The following KANSL1L variants were observed in gnomAD, a reference collection of about 807,000 sequenced individuals.
KANSL1L encodes KAT8 regulatory NSL complex subunit 1-like protein.
Under a neutral mutation model 108.6 loss-of-function variants are expected in KANSL1L, and 25 were observed. That is an observed-to-expected ratio of 0.23 (90% CI 0.17 to 0.32). The LOEUF is 0.32. Ranked by LOEUF, KANSL1L falls within the 10% of genes least tolerant of loss-of-function variation. The pLI, the probability that KANSL1L is intolerant of heterozygous loss-of-function variation, is 1.00. For synonymous variants in KANSL1L, 405 were observed against 395.1 expected (o/e 1.03, Z -0.30); for missense variants, 1,137 against 1,125.7 (o/e 1.01, Z -0.14).
At chr2:210,152,403 A>G (rs1465946830) in intron 2 of KANSL1L, 1 of 152,262 alleles carries the variant, frequency 6.6e-6, no homozygotes, top group African/African-American at 2.4e-5. Context: ...AGTGCCTATT[A>G]GATGGCATAG....
intron 2 of KANSL1L, among the ~76,000 whole-genome samples, chr2:210,130,260 G>A (rs1270626271): frequency 6.6e-6 from 1 of 152,156 alleles, no homozygotes; most frequent in African/African-American, 2.4e-5. Context: ...TAGCATGTAG[G>A]AACAGGGGAT....
rs543095210 is a variant in KANSL1L at position 210,087,054 on chromosome 2, G to T, written c.1550+11032C>A. Among the ~76,000 whole-genome samples the T allele has an allele frequency of 3.7e-4, 55 of 150,298 alleles. No homozygotes were observed. The South Asian group carries it at 4.6e-3, about 13-fold the overall frequency. On this transcript the variant is annotated intron_variant, in intron 5 of 14. Transcript: ENST00000281772. ...TTTTATTTTTTTTTTTTTGAGACAG[G>T]ATCTTGCTCTGTCACCTAGGCTGGA...
At chr2:210,089,147 G>A (rs1316350941) in intron 5 of KANSL1L, 1 of 152,192 alleles carries the variant, frequency 6.6e-6, no homozygotes, top group Non-Finnish European at 1.5e-5. Context: ...AAGGCAATGT[G>A]TAATACATTT....
intron 4 of KANSL1L, among the ~76,000 whole-genome samples, chr2:210,100,684 G>A (rs1476082019): frequency 6.6e-6 from 1 of 152,150 alleles, no homozygotes; most frequent in Non-Finnish European, 1.5e-5. Flanking sequence ...TGTCATCCAG[G>A]CTAGAGTGCA....
At position 210,148,718 on chromosome 2, in the gene KANSL1L, T is replaced by C. The variant is rs147286515; in HGVS notation, c.1088+4777A>G. Among the ~76,000 whole-genome samples the C allele has an allele frequency of 3.6e-3, 543 of 152,248 alleles. 6 individuals are homozygous for C. The highest frequency in any genetic ancestry group is 0.012 in the African/African-American group (512 of 41,550). On this transcript the variant is annotated intron_variant, in intron 2 of 14. Transcript: ENST00000281772. Reference sequence around the variant, plus strand: ...AACTAATTTATTGCCTACTACATTTTTGGAGGAAAAGTAACAAAGTCAAGC... The same window carrying C: ...AACTAATTTATTGCCTACTACATTTCTGGAGGAAAAGTAACAAAGTCAAGC...
At chr2:210,152,830 G>A (rs998757183) in intron 2 of KANSL1L, 2 of 152,140 alleles carry the variant, frequency 1.3e-5, no homozygotes, top group African/African-American at 4.8e-5. Flanking sequence ...AAGTTTTTTA[G>A]TTAGATACAC....
At chr2:210,030,016 T>C in intron 9 of KANSL1L, 98 bp from the exon 10 acceptor site, 1 of 552,980 alleles carries the variant, frequency 1.8e-6, no homozygotes, top group South Asian at 3.5e-5. Flanking sequence ...ATTCCTTGTT[T>C]TGTGTGTGTG....
chr2:210,073,774 A>AACACAC (rs372708042), intron 6 of KANSL1L, among the ~76,000 whole-genome samples: 2,188 of 141,982 alleles, frequency 0.015, 49 homozygotes, highest in African/African-American at 0.047. Flanking sequence ...GAAACACACA[A>AACACAC]ACACACACAC....
intron 6 of KANSL1L, among the ~76,000 whole-genome samples, chr2:210,047,909 G>T (rs2094243144): frequency 1.3e-5 from 2 of 152,176 alleles, no homozygotes; most frequent in Admixed American, 6.5e-5. Flanking sequence ...TTAAATCTGG[G>T]TTGCAGCCCT....
chr2:210,159,536 T>C (rs2095350508), intron 1 of KANSL1L, among the ~76,000 whole-genome samples: 1 of 152,196 alleles, frequency 6.6e-6, no homozygotes. Context: ...TCTCCAGCAC[T>C]AGAATAATGC....
chr2:210,111,895 C>T (rs1407641929), intron 3 of KANSL1L, among the ~76,000 whole-genome samples: 7 of 141,446 alleles, frequency 4.9e-5, no homozygotes. Context: ...CCCCCCACCC[C>T]ACAACAGTCC....
chr2:210,032,702 A>G (rs2094036193), intron 8 of KANSL1L: 1 of 152,232 alleles, frequency 6.6e-6, no homozygotes. Context: ...TGTTGTATAA[A>G]TTCCCTTCCC....
intron 5 of KANSL1L, among the ~76,000 whole-genome samples, chr2:210,084,038 C>G (rs2094613443): frequency 6.6e-6 from 1 of 151,910 alleles, no homozygotes; most frequent in South Asian, 2.1e-4. Context: ...ATCTCTTACT[C>G]AAAAATGGAA....
At chr2:210,138,819 CCAGGTGCAGTGGCT>C (rs1451061845) in intron 2 of KANSL1L, among the ~76,000 whole-genome samples, 9 of 152,030 alleles carry the variant, frequency 5.9e-5, no homozygotes, top group African/African-American at 2.2e-4. Flanking sequence ...ATTGAATTGG[CCAGGTGCAGTGGCT>C]CACACCTGTA....
chr2:210,136,701 G>C (rs1295430110), intron 2 of KANSL1L, among the ~76,000 whole-genome samples: 1 of 152,086 alleles, frequency 6.6e-6, no homozygotes, highest in Non-Finnish European at 1.5e-5. Flanking sequence ...ACCTACATCT[G>C]CTCAGTGGAA....
At chr2:210,091,553 A>T (rs1270884642) in intron 5 of KANSL1L, among the ~76,000 whole-genome samples, 2 of 152,164 alleles carry the variant, frequency 1.3e-5, no homozygotes, top group Non-Finnish European at 2.9e-5. Context: ...GCCCCCTCTT[A>T]TGTGAAGCTC....
intron 1 of KANSL1L, among the ~76,000 whole-genome samples, chr2:210,162,222 G>GTATATATATATATACATATA (rs2095365312): frequency 3.7e-5 from 4 of 107,474 alleles, no homozygotes; most frequent in Non-Finnish European, 5.6e-5. Flanking sequence ...AGTGGTTCAG[G>GTATATATATATATACATATA]TATATATATA....
chr2:210,161,856 G>T (rs997457150), intron 1 of KANSL1L, among the ~76,000 whole-genome samples: 2 of 151,772 alleles, frequency 1.3e-5, no homozygotes, highest in Non-Finnish European at 2.9e-5. Context: ...GAGGAATACT[G>T]ATTTGAAAAG....
At chr2:210,085,139 T>C (rs1000715801) in intron 5 of KANSL1L, among the ~76,000 whole-genome samples, 1 of 152,188 alleles carries the variant, frequency 6.6e-6, no homozygotes. Context: ...AATAAAGTGG[T>C]AGGTATGTTA....
Sources: allele counts gnomAD v4.1 joint callset (sites outside exome capture counted in the v4.1 genomes callset), GRCh38; gene constraint gnomAD v4.1.1; transcripts MANE v1.5; gene names NCBI Gene and HGNC (gene_info 2026-07-23, HGNC 2026-07-21).